The following DCLK2 variants were observed in gnomAD, a reference collection of about 807,000 sequenced individuals.
DCLK2 encodes the protein serine/threonine-protein kinase DCLK2.
DCLK2 carries 31 observed loss-of-function variants against 78.4 expected under a neutral mutation model. That is an observed-to-expected ratio of 0.40 (90% CI 0.30 to 0.53). DCLK2 has a LOEUF of 0.53. DCLK2 is among the 20% of genes least tolerant of loss of function. DCLK2 has a pLI of 0.61. For synonymous variants in DCLK2, 407 were observed against 374.9 expected, an observed-to-expected ratio of 1.09 and a Z score of -0.99; for missense variants, 872 against 973.7, an observed-to-expected ratio of 0.90 and a Z score of 1.39.
intron 15 of DCLK2, among the ~76,000 whole-genome samples, chr4:150,250,044 C>G (rs1044778653): frequency 6.6e-6 from 1 of 152,080 alleles, no homozygotes; most frequent in Non-Finnish European, 1.5e-5. Context: ...ACCCCAAGGC[C>G]TCAGAAATAG....
intron 2 of DCLK2, among the ~76,000 whole-genome samples, chr4:150,149,777 C>T (rs1297805454): frequency 6.6e-6 from 1 of 152,156 alleles, no homozygotes; most frequent in Non-Finnish European, 1.5e-5. Flanking sequence ...TACATAAAAT[C>T]TGCACTGATT....
In DCLK2 at chr4:150,219,875, G is replaced by A. The variant is rs145729139; in HGVS notation, c.1057-828G>A. 4.0e-3 allele frequency among the ~76,000 whole-genome samples: 604 copies of A among 152,322 alleles called. 2 individuals are homozygous for A. The highest frequency in any genetic ancestry group is 5.6e-3 in the Non-Finnish European group (380 of 68,030). ...TAGGTAGGGGGACAGATCATGGCCCGAATGCCATGCTGAAGATTTTGGAGT... is the reference window on the plus strand; with the variant it reads ...TAGGTAGGGGGACAGATCATGGCCCAAATGCCATGCTGAAGATTTTGGAGT... On this transcript the variant is annotated intron_variant, in intron 5 of 15. Coordinates refer to ENST00000296550, the MANE Select transcript of DCLK2 (RefSeq NM_001040260.4).
chr4:150,250,560 G>A (rs140593233), intron 15 of DCLK2, among the ~76,000 whole-genome samples: 143 of 151,946 alleles, frequency 9.4e-4, no homozygotes, highest in Non-Finnish European at 1.8e-3. Context: ...CAGAGCTGGA[G>A]TTGGCTGCAG....
At position 150,186,452 on chromosome 4, in the gene DCLK2, TAGTC is replaced by T. The variant is rs531292432; in HGVS notation, c.757-6683_757-6680del. ...AAGTTGTGTTCCTTTATTCCCATAATAGTCAGGGTGTTCTTCTATAACATTCACC... is the reference window on the plus strand; with the variant it reads ...AAGTTGTGTTCCTTTATTCCCATAATAGGGTGTTCTTCTATAACATTCACC... On this transcript the variant is annotated intron_variant, in intron 2 of 15. Transcript: ENST00000296550. Among the ~76,000 whole-genome samples, 342 of 152,348 alleles carry T rather than the reference TAGTC, an allele frequency of 2.2e-3. 1 individual carries two copies. The highest frequency in any genetic ancestry group is 7.9e-3 in the African/African-American group (328 of 41,586).
At chr4:150,097,000 C>T (rs1162260186) in intron 1 of DCLK2, among the ~76,000 whole-genome samples, 2 of 151,950 alleles carry the variant, frequency 1.3e-5, no homozygotes, top group African/African-American at 4.8e-5. Context: ...GGCTCTGAAA[C>T]CTCAGCATGG....
At chr4:150,171,005 C>T (rs1736488491) in intron 2 of DCLK2, among the ~76,000 whole-genome samples, 1 of 152,144 alleles carries the variant, frequency 6.6e-6, no homozygotes, top group Non-Finnish European at 1.5e-5. Context: ...TCACAATGCC[C>T]TCAGCATACA....
At chr4:150,186,923 T>TGC (rs1737996321) in intron 2 of DCLK2, among the ~76,000 whole-genome samples, 1 of 151,846 alleles carries the variant, frequency 6.6e-6, no homozygotes. Context: ...TGTGTGTGTG[T>TGC]GTGTGTAGTC....
intron 1 of DCLK2, among the ~76,000 whole-genome samples, chr4:150,079,778 A>G (rs908145655): frequency 2.8e-4 from 43 of 152,172 alleles, no homozygotes; most frequent in African/African-American, 9.9e-4. Flanking sequence ...TCCCATGGGG[A>G]GCTGGGTAAT....
At chr4:150,181,233 G>A (rs1276016436) in intron 2 of DCLK2, among the ~76,000 whole-genome samples, 22 of 152,024 alleles carry the variant, frequency 1.4e-4, no homozygotes, top group Admixed American at 7.9e-4. Context: ...AGTGTCTACC[G>A]TGATCCTTAC....
intron 2 of DCLK2, among the ~76,000 whole-genome samples, chr4:150,147,654 G>A (rs1734577893): frequency 7.3e-6 from 1 of 137,090 alleles, no homozygotes; most frequent in South Asian, 2.2e-4. Flanking sequence ...TGTACAATTT[G>A]TATTGTAAAA....
intron 4 of DCLK2, among the ~76,000 whole-genome samples, chr4:150,201,412 G>A (rs1279034684): frequency 2.6e-5 from 4 of 152,190 alleles, no homozygotes; most frequent in Non-Finnish European, 5.9e-5. Flanking sequence ...GAAATGTGCA[G>A]ATAAGTGAAA....
intron 8 of DCLK2, among the ~76,000 whole-genome samples, chr4:150,230,944 A>G (rs77310764): frequency 0.079 from 12,037 of 152,288 alleles, 644 homozygotes; most frequent in Non-Finnish European, 0.12. Flanking sequence ...AAAGAAGCAT[A>G]GATTCTCCTC....
At chr4:150,197,021 G>A (rs1739088387) in intron 3 of DCLK2, among the ~76,000 whole-genome samples, 1 of 152,116 alleles carries the variant, frequency 6.6e-6, no homozygotes, top group African/African-American at 2.4e-5. Flanking sequence ...CAGGCGTGGT[G>A]GTGGGCGCCT....
chr4:150,188,913 A>T (rs958264969), intron 2 of DCLK2, among the ~76,000 whole-genome samples: 3 of 151,764 alleles, frequency 2.0e-5, no homozygotes, highest in African/African-American at 4.8e-5. Context: ...TCAAAAAAAA[A>T]AAAAAAAAAA....
chr4:150,092,816 A>G (rs576189631), intron 1 of DCLK2, among the ~76,000 whole-genome samples: 3 of 152,220 alleles, frequency 2.0e-5, no homozygotes, highest in Non-Finnish European at 4.4e-5. Context: ...TAAAGACCAT[A>G]TATGAAAAGC....
chr4:150,129,581 G>A lies in DCLK2; in HGVS notation c.756+26769G>A, dbSNP rs1027890413. Among the ~76,000 whole-genome samples the A allele has an allele frequency of 4.0e-5, 6 of 151,866 alleles. 1 individual carries two copies. Among genetic ancestry groups the A allele is most frequent in the East Asian group, 1.9e-4 (1 of 5,184 alleles). ...CTAAAAATACAAAAATTAGCTGGGT[G>A]TGGTGGCACGTGCCTGTAGTCCCAG... On this transcript the variant is annotated intron_variant, in intron 2 of 15. Coordinates refer to ENST00000296550, the MANE Select transcript of DCLK2 (RefSeq NM_001040260.4).
chr4:150,175,088 A>ATTTG (rs1384576001), intron 2 of DCLK2, among the ~76,000 whole-genome samples: 8 of 73,232 alleles, frequency 1.1e-4, no homozygotes, highest in Non-Finnish European at 1.1e-4. Context: ...ATATTTATAT[A>ATTTG]TATATTTATA....
chr4:150,088,314 A>G (rs1729785482), intron 1 of DCLK2, among the ~76,000 whole-genome samples: 1 of 152,068 alleles, frequency 6.6e-6, no homozygotes, highest in Non-Finnish European at 1.5e-5. Flanking sequence ...GGAAGTTTCT[A>G]CCTAAATTTT....
At chr4:150,193,091 C>T (rs979107375) in intron 2 of DCLK2, 47 bp from the exon 3 acceptor site, 4 of 1,186,178 alleles carry the variant, frequency 3.4e-6, no homozygotes, top group Non-Finnish European at 5.0e-6. Context: ...TTTCATTTCA[C>T]TTCTAATGTG....
Sources: gnomAD v4.1 joint callset for allele counts (sites outside exome capture counted in the v4.1 genomes callset) on GRCh38, gnomAD v4.1.1 for gene constraint, MANE v1.5 for transcripts, NCBI Gene and HGNC (gene_info 2026-07-23, HGNC 2026-07-21) for gene names.